Variants in FGR observed in about 807,000 individuals in gnomAD.
The protein encoded by FGR is tyrosine-protein kinase Fgr.
A neutral mutation model predicts 63.2 loss-of-function variants in FGR; 26 were observed. That is an observed-to-expected ratio of 0.41 (90% confidence interval 0.30 to 0.57). The LOEUF is 0.57. Ranked by LOEUF, FGR falls within the 20% of genes least tolerant of loss-of-function variation. The pLI, the probability that FGR is intolerant of heterozygous loss-of-function variation, is 0.27. For missense variants in FGR, 511 were observed against 690.8 expected (o/e 0.74, Z 2.92); for synonymous variants, 286 against 277.7 (o/e 1.03, Z -0.30).
intron 1 of FGR, among the ~76,000 whole-genome samples, chr1:27,631,787 G>A (rs2090109050): frequency 6.6e-6 from 1 of 152,154 alleles, no homozygotes; most frequent in South Asian, 2.1e-4. Context: ...TGAGAGGGCT[G>A]AGCTGGCCCA....
At position 27,615,507 on chromosome 1, in the gene FGR, G is replaced by C; in HGVS notation, c.945C>G (p.His315Gln). 6.2e-7 allele frequency: 1 copy of C among 1,613,808 alleles called. No individual in the cohort carries two copies. The highest frequency in any genetic ancestry group is 8.5e-7 in the Non-Finnish European group (1 of 1,179,732). ...EEAQVMKLLR[H>Q]DKLVQLYAVV... ...CGGCGTACAGCTGCACCAGCTTGTCGTGCCGCAGCAGCTTCATGACCTGCG... is the reference window on the plus strand; with the variant it reads ...CGGCGTACAGCTGCACCAGCTTGTCCTGCCGCAGCAGCTTCATGACCTGCG... The change falls in exon 9 of 13, where the codon CAC (histidine) becomes CAG (glutamine). Residue 315 changes from histidine to glutamine, a missense_variant. By Grantham distance (24) the His-to-Gln change is conservative. Transcript: ENST00000374005. This position sits in a 1 kb window ranked among gnomAD's most constrained non-coding sequence, Gnocchi z 7.6.
At chr1:27,614,684 G>T in intron 10 of FGR, 101 bp from the exon 11 acceptor site, 1 of 1,438,176 alleles carries the variant, frequency 7.0e-7, no homozygotes, top group African/African-American at 1.4e-5. Context: ...ACTTTCCAGA[G>T]GGGGAGACTG....
chr1:27,630,352 C>CT (rs1434768202), intron 1 of FGR, among the ~76,000 whole-genome samples: 4 of 152,168 alleles, frequency 2.6e-5, no homozygotes, highest in African/African-American at 7.2e-5. Flanking sequence ...TGCACCCGGC[C>CT]TTTTTTGCAA....
chr1:27,628,961 C>T (rs939322061), intron 1 of FGR, among the ~76,000 whole-genome samples: 1 of 152,184 alleles, frequency 6.6e-6, no homozygotes, highest in Admixed American at 6.5e-5. Context: ...CAGGGTATGA[C>T]ATCTGCATGG....
rs2089732162 is a variant in FGR, at chr1:27,613,349, A to C, written c.1251T>G (p.Gly417=). The C allele has an allele frequency of 3.1e-6, 5 of 1,613,678 alleles. No individual in the cohort carries two copies. The highest frequency in any genetic ancestry group is 4.2e-6 in the Non-Finnish European group (5 of 1,179,830). Residue 417 remains glycine (G), a splice_region_variant and synonymous_variant, in exon 12 of 13, where the codon GGT becomes GGG. Coordinates refer to ENST00000374005, the MANE Select transcript of FGR (RefSeq NM_005248.3). ...IKDDEYNPCQ[G]SKFPIKWTAP... ...CTGTCCACTTGATGGGGAACTTGGA[A>C]CCTGGAGAAGATGGGGGAGCAGGGA...
chr1:27,621,475 C>T, intron 5 of FGR, 84 bp downstream of exon 5: 3 of 924,026 alleles, frequency 3.2e-6, no homozygotes, highest in Non-Finnish European at 5.4e-6. Flanking sequence ...CGGACTGGAG[C>T]AATGACTTGT....
chr1:27,620,865 A>T (rs1228401591), intron 5 of FGR, among the ~76,000 whole-genome samples: 2 of 146,052 alleles, frequency 1.4e-5, no homozygotes, highest in Non-Finnish European at 3.1e-5. Context: ...ATCTCTACTT[A>T]AAAAAAAAAA....
In FGR at chr1:27,625,318, C is replaced by G. The variant is rs1361428372; in HGVS notation, c.-76-167G>C. On this transcript the variant is annotated intron_variant, in intron 1 of 12. Coordinates refer to ENST00000374005, the MANE Select transcript of FGR (RefSeq NM_005248.3). ...TCACCCCTGGCACACTTACACAACC[C>G]CCGTCACATAGGGCAAACCACCCAC... 2.0e-5 allele frequency among the ~76,000 whole-genome samples: 3 copies of G among 152,118 alleles called. No homozygotes were observed. The East Asian group carries it at 5.8e-4, about 29-fold the overall frequency.
At chr1:27,623,206 C>T in intron 3 of FGR, 62 bp from the exon 4 acceptor site, 2 of 1,248,606 alleles carry the variant, frequency 1.6e-6, no homozygotes, top group East Asian at 2.3e-5. Context: ...GGGGGCTGCA[C>T]CCCAAATTCC....
chr1:27,630,980 A>G lies in FGR; in HGVS notation c.-77+4085T>C, dbSNP rs141248162. On this transcript the variant is annotated intron_variant, in intron 1 of 12. Coordinates refer to ENST00000374005, the MANE Select transcript of FGR (RefSeq NM_005248.3). ...GTTGTTGCATCTGCACCTTCTGAGT[A>G]GTTGTTGTGAGGGCTTCATGACATG... 7.4e-3 allele frequency among the ~76,000 whole-genome samples: 1,127 copies of G among 152,240 alleles called. 26 individuals are homozygous for G. The highest frequency in any genetic ancestry group is 0.023 in the East Asian group (117 of 5,178).
intron 4 of FGR, 97 bp downstream of exon 4, chr1:27,622,945 G>A: frequency 1.2e-6 from 1 of 849,920 alleles, no homozygotes; most frequent in East Asian, 2.5e-5. Context: ...TTCCCAACTA[G>A]GCTGGAGCAT....
At chr1:27,613,396 G>C (rs2089733964) in intron 11 of FGR, 46 bp from the exon 12 acceptor site, 1 of 1,602,784 alleles carries the variant, frequency 6.2e-7, no homozygotes, top group Admixed American at 1.7e-5. Flanking sequence ...GGGGTCCCTG[G>C]AAACAGCTGG....
Position 27,628,575 on chromosome 1 carries a change from C to T in FGR, c.-76-3424G>A, listed in dbSNP as rs188529885. On this transcript the variant is annotated intron_variant, in intron 1 of 12. Transcript: ENST00000374005. ...CACACACAGATATACACAGCCCTCT[C>T]CGGTGACATGGACCCACATAGAGCT... Among the ~76,000 whole-genome samples the T allele has an allele frequency of 2.2e-3, 334 of 150,496 alleles. 2 individuals are homozygous for T. Among genetic ancestry groups the T allele is most frequent in the African/African-American group, 8.0e-3 (324 of 40,736 alleles).
Position 27,615,286 on chromosome 1 carries a change from C to A in FGR, c.1018+148G>T. On this transcript the variant is annotated intron_variant, in intron 9 of 12. Transcript: ENST00000374005. This position sits in a 1 kb window ranked among gnomAD's most constrained non-coding sequence, Gnocchi z 7.6. ...TCACTCGGCCCGGCTCCCACCTCAG[C>A]CCTCCAGTCGTTTTACACACCTGGT... 1.1e-6 allele frequency: 1 copy of A among 946,346 alleles called. No individual in the cohort carries two copies. Among genetic ancestry groups the A allele is most frequent in the Non-Finnish European group, 1.6e-6 (1 of 626,970 alleles). 58.6% of individuals were successfully genotyped at this position (946,346 alleles called of 1,614,324 possible). A position where few individuals can be genotyped will look rare whatever the true frequency, so the allele number is the denominator to read the frequency against.
chr1:27,626,105 A>G, intron 1 of FGR: 1 of 398,688 alleles, frequency 2.5e-6, no homozygotes, highest in Non-Finnish European at 4.4e-6. Context: ...AGCTGGGGCT[A>G]CCAGAGTACC....
At position 27,621,412 on chromosome 1, in the gene FGR, C is replaced by T. The variant is rs982040703; in HGVS notation, c.428+147G>A. The T allele has an allele frequency of 2.6e-5, 16 of 625,524 alleles. No individual in the cohort carries two copies. In the Admixed American group the frequency reaches 4.1e-4, roughly 16 times the overall value. The allele number at this position is 625,524 out of a possible 1,614,324, so 38.7% of individuals were successfully genotyped here. On this transcript the variant is annotated intron_variant, in intron 5 of 12. Coordinates refer to ENST00000374005, the MANE Select transcript of FGR (RefSeq NM_005248.3). ...CTACTATTATTATTATCAGTACAAT[C>T]TTCTTTTGTTCTCACAATGACCTTA...
intron 1 of FGR, among the ~76,000 whole-genome samples, chr1:27,630,726 T>C (rs927062938): frequency 1.3e-5 from 2 of 152,172 alleles, no homozygotes; most frequent in African/African-American, 4.8e-5. Context: ...AGCCACAGCA[T>C]CATTCTGGGC....
Position 27,623,739 on chromosome 1 carries a change from C to G in FGR, c.178G>C (p.Ala60Pro). ...CTATCAAGGAAGCCAGGGTTGATGG[C>G]CTGAGAGGAGAAGTTGCTGTAGTTG... ...IPNYSNFSSQ[A>P]INPGFLDSGT... The change falls in exon 3 of 13, where the codon GCC (alanine) becomes CCC (proline). Residue 60 changes from alanine to proline, a missense_variant. Ala to Pro is a conservative substitution (Grantham distance 27). Coordinates refer to ENST00000374005, the MANE Select transcript of FGR (RefSeq NM_005248.3). 6.2e-7 allele frequency: 1 copy of G among 1,614,202 alleles called. No homozygotes were observed. The highest frequency in any genetic ancestry group is 8.5e-7 in the Non-Finnish European group (1 of 1,180,034).
chr1:27,617,015 A>T lies in FGR; in HGVS notation c.533-9T>A. ...GGACAGGGAGTAGGCACCTGTGGAGAGGATCACTTTTGATCTGCTGTTCTC... is the reference window on the plus strand; with the variant it reads ...GGACAGGGAGTAGGCACCTGTGGAGTGGATCACTTTTGATCTGCTGTTCTC... On this transcript the variant is annotated splice_polypyrimidine_tract_variant and intron_variant, in intron 6 of 12. Transcript: ENST00000374005. The surrounding 1 kb of genome is among the most constrained non-coding windows in gnomAD (Gnocchi z 4.5). 6.2e-7 allele frequency: 1 copy of T among 1,613,946 alleles called. No individual in the cohort carries two copies.
Sources: gnomAD v4.1 joint callset for allele counts (sites outside exome capture counted in the v4.1 genomes callset) on GRCh38, gnomAD v4.1.1 for gene constraint, Gnocchi (gnomAD v3.1) non-coding constraint, MANE v1.5 for transcripts, NCBI Gene and HGNC (gene_info 2026-07-23, HGNC 2026-07-21) for gene names.